The following ARHGAP25 variants were observed in gnomAD, a reference collection of about 807,000 sequenced individuals.
ARHGAP25 encodes Rho GTPase activating protein 25.
In ARHGAP25, 34 loss-of-function variants were observed where a neutral mutation model predicts 71.0. The ratio of observed to expected loss-of-function variants is 0.48; its 90% CI spans 0.36 to 0.64. ARHGAP25 has a LOEUF of 0.64. ARHGAP25 is among the 30% of genes least tolerant of loss of function. The pLI is 0.00. For missense variants in ARHGAP25, 706 were observed against 805.1 expected, an observed-to-expected ratio of 0.88 and a Z score of 1.49; for synonymous variants, 282 against 296.5, an observed-to-expected ratio of 0.95 and a Z score of 0.50.
chr2:68,712,329 G>A (rs1473931601), intron 2 of ARHGAP25, among the ~76,000 whole-genome samples: 1 of 152,166 alleles, frequency 6.6e-6, no homozygotes, highest in East Asian at 1.9e-4. Context: ...ATAAGTGTCT[G>A]TTCATATCCT....
intron 1 of ARHGAP25, among the ~76,000 whole-genome samples, chr2:68,736,910 C>T (rs1675249983): frequency 6.6e-6 from 1 of 152,106 alleles, no homozygotes; most frequent in African/African-American, 2.4e-5. Context: ...TCTATGTTCA[C>T]TAGCCCCAGC....
intron 5 of ARHGAP25, 123 bp from the exon 6 acceptor site, chr2:68,813,164 C>T (rs1383760325): frequency 6.1e-6 from 7 of 1,144,072 alleles, no homozygotes; most frequent in Non-Finnish European, 8.4e-6. Flanking sequence ...TCAGACTACT[C>T]CTCTGCAAAA....
chr2:68,775,247 G>A lies in ARHGAP25; in HGVS notation c.88G>A (p.Glu30Lys), dbSNP rs1013072435. The A allele has an allele frequency of 3.1e-6, 5 of 1,614,120 alleles. No individual in the cohort carries two copies. The highest frequency in any genetic ancestry group is 1.6e-4 in the Middle Eastern group (1 of 6,084). The change falls in exon 2 of 11, where the codon GAG becomes AAG. Residue 30 changes from glutamate (E) to lysine (K), a missense_variant. Glu to Lys is a moderately conservative substitution (Grantham distance 56). Transcript: ENST00000409202. ...TCGGTCAAGGAGTGTGATGACTGGC[G>A]AGCAGATGGCTGCCTTCCATCCATC... ...IARSRSVMTG[E>K]QMAAFHPSST... is the part of the protein sequence containing the mutation.
At chr2:68,712,073 C>A (rs1674497912) in intron 2 of ARHGAP25, among the ~76,000 whole-genome samples, 1 of 152,144 alleles carries the variant, frequency 6.6e-6, no homozygotes, top group Non-Finnish European at 1.5e-5. Flanking sequence ...GGTTCTAGAT[C>A]CTTGAGGAAT....
At chr2:68,764,562 G>A (rs1435680147) in intron 1 of ARHGAP25, among the ~76,000 whole-genome samples, 3 of 152,108 alleles carry the variant, frequency 2.0e-5, no homozygotes, top group South Asian at 2.1e-4. Flanking sequence ...CACTGGTATC[G>A]TGACCTGGTT....
At chr2:68,770,451 A>G (rs1677413473) in intron 1 of ARHGAP25, among the ~76,000 whole-genome samples, 1 of 152,220 alleles carries the variant, frequency 6.6e-6, no homozygotes, top group Non-Finnish European at 1.5e-5. Flanking sequence ...ATTTACAGCC[A>G]TCCAAAGTGG....
chr2:68,819,372 C>A, intron 9 of ARHGAP25, 53 bp downstream of exon 9: 1 of 1,592,070 alleles, frequency 6.3e-7, no homozygotes, highest in South Asian at 1.1e-5. Flanking sequence ...TTAGTCCAGG[C>A]CATCCCATGT....
At chr2:68,717,016 A>G (rs936802304) in intron 2 of ARHGAP25, among the ~76,000 whole-genome samples, 5 of 152,208 alleles carry the variant, frequency 3.3e-5, no homozygotes, top group Non-Finnish European at 7.3e-5. Context: ...TCTGAGAAAT[A>G]GGTTGTTAGG....
intron 1 of ARHGAP25, among the ~76,000 whole-genome samples, chr2:68,737,854 T>C (rs1028708934): frequency 2.0e-5 from 3 of 152,114 alleles, no homozygotes; most frequent in African/African-American, 7.2e-5. Context: ...GCTTCCAGTT[T>C]CCCCAGAATC....
chr2:68,786,904 ATCACTATTGTTT>A (rs1678795068), intron 3 of ARHGAP25, among the ~76,000 whole-genome samples: 1 of 152,220 alleles, frequency 6.6e-6, no homozygotes, highest in Admixed American at 6.5e-5. Flanking sequence ...ATTGAAAGGG[ATCACTATTGTTT>A]TCTTGTCCCC....
chr2:68,776,226 G>A (rs1156910182), intron 2 of ARHGAP25, among the ~76,000 whole-genome samples: 1 of 151,966 alleles, frequency 6.6e-6, no homozygotes, highest in Non-Finnish European at 1.5e-5. Context: ...GAGGGGATGA[G>A]GTCTGAGAAG....
intron 1 of ARHGAP25, among the ~76,000 whole-genome samples, chr2:68,759,980 T>C (rs1444344287): frequency 6.6e-6 from 1 of 152,020 alleles, no homozygotes; most frequent in Non-Finnish European, 1.5e-5. Flanking sequence ...CAATAAAAGA[T>C]TATAAATCCA....
At chr2:68,805,090 A>C (rs1680267692) in intron 4 of ARHGAP25, among the ~76,000 whole-genome samples, 1 of 152,216 alleles carries the variant, frequency 6.6e-6, no homozygotes, top group African/African-American at 2.4e-5. Flanking sequence ...AGAGGGGCCA[A>C]GGAGGAGAAA....
intron 3 of ARHGAP25, among the ~76,000 whole-genome samples, chr2:68,784,635 G>A (rs767634030): frequency 1.4e-4 from 21 of 152,230 alleles, no homozygotes; most frequent in Non-Finnish European, 2.6e-4. Flanking sequence ...TCCTTCTGTT[G>A]CATATGTTAT....
intron 2 of ARHGAP25, among the ~76,000 whole-genome samples, chr2:68,777,419 A>G (rs753930876): frequency 9.9e-5 from 15 of 152,266 alleles, no homozygotes; most frequent in Non-Finnish European, 1.8e-4. Flanking sequence ...CACAGGATCA[A>G]ATGATATAAA....
chr2:68,790,867 C>G (rs1679124884), intron 4 of ARHGAP25, among the ~76,000 whole-genome samples: 1 of 152,196 alleles, frequency 6.6e-6, no homozygotes, highest in Non-Finnish European at 1.5e-5. Flanking sequence ...AAAGTCAAGG[C>G]TTTATAATGA....
chr2:68,786,189 C>T (rs956296049), intron 3 of ARHGAP25, among the ~76,000 whole-genome samples: 1 of 152,152 alleles, frequency 6.6e-6, no homozygotes, highest in African/African-American at 2.4e-5. Context: ...GCGTGTTTCC[C>T]AGTGGGGTTG....
upstream of ARHGAP25, among the ~76,000 whole-genome samples, chr2:68,731,047 CCTT>C (rs143652613): frequency 0.021 from 3,249 of 152,252 alleles, 101 homozygotes; most frequent in African/African-American, 0.075. Flanking sequence ...TCTTAATCAT[CCTT>C]CTTGTTTAAT....
At chr2:68,730,009 G>T (rs928532638), upstream of ARHGAP25, among the ~76,000 whole-genome samples, 1 of 152,114 alleles carries the variant, frequency 6.6e-6, no homozygotes, top group Non-Finnish European at 1.5e-5. Flanking sequence ...AATTAATTTT[G>T]CTCTCATCAT....
Sources: gnomAD v4.1 joint callset for allele counts (sites outside exome capture counted in the v4.1 genomes callset) on GRCh38, gnomAD v4.1.1 for gene constraint, MANE v1.5 for transcripts, NCBI Gene and HGNC (gene_info 2026-07-23, HGNC 2026-07-21) for gene names.